EZR: variants seen among roughly 807,000 people sequenced by gnomAD.
The protein encoded by EZR is cytovillin 2.
Under a neutral mutation model 74.8 loss-of-function variants are expected in EZR, and 40 were observed. The ratio of observed to expected loss-of-function variants is 0.53; its 90% CI spans 0.42 to 0.70. The LOEUF is 0.70. Among genes scored for constraint, EZR ranks in the 30% least tolerant of loss-of-function variants. The pLI is 0.00. For synonymous variants in EZR, 341 were observed against 283.3 expected (o/e 1.20, Z -2.05); for missense variants, 678 against 755.8 (o/e 0.90, Z 1.21).
rs755290364 is a variant in EZR, at chr6:158,776,412, G to A, written c.791C>T (p.Ala264Val). The A allele has an allele frequency of 1.2e-6, 2 of 1,612,314 alleles. No individual in the cohort carries two copies. Among genetic ancestry groups the A allele is most frequent in the Non-Finnish European group, 8.5e-7 (1 of 1,178,394 alleles). The part of the protein sequence containing the change: ...KFVIKPIDKK[A>V]PDFVFYAPRL... ...ATAGAATCCTTTGGAACTTACAGGTGCCTTCTTGTCGATGGGTTTAATGAC... is the reference window on the plus strand; with the variant it reads ...ATAGAATCCTTTGGAACTTACAGGTACCTTCTTGTCGATGGGTTTAATGAC... The change falls in exon 8 of 14, where the codon GCA (alanine) becomes GTA (valine). Residue 264 changes from alanine to valine, a missense_variant. Coordinates refer to ENST00000367075, the MANE Select transcript of EZR (RefSeq NM_001111077.2).
chr6:158,787,236 G>C, intron 3 of EZR, 33 bp from the exon 4 acceptor site: 1 of 1,576,904 alleles, frequency 6.3e-7, no homozygotes, highest in East Asian at 2.2e-5. Context: ...CAACACTCAT[G>C]AGAAACTCAC....
At chr6:158,816,823 C>T (rs796809167) in intron 2 of EZR, among the ~76,000 whole-genome samples, 21 of 152,132 alleles carry the variant, frequency 1.4e-4, no homozygotes, top group South Asian at 8.3e-4. Flanking sequence ...TGGTGGCTCA[C>T]GCCTGTAATC....
intron 4 of EZR, among the ~76,000 whole-genome samples, chr6:158,786,544 G>A (rs1047087941): frequency 6.6e-6 from 1 of 152,116 alleles, no homozygotes; most frequent in African/African-American, 2.4e-5. Context: ...CATGCCAATC[G>A]GGCCCTGGAC....
chr6:158,770,460 T>C (rs1462380628), intron 10 of EZR, among the ~76,000 whole-genome samples: 1 of 152,172 alleles, frequency 6.6e-6, no homozygotes, highest in African/African-American at 2.4e-5. Context: ...TGGGGGACTG[T>C]GGGCAAATCA....
intron 12 of EZR, among the ~76,000 whole-genome samples, chr6:158,768,298 A>C (rs1031956123): frequency 1.3e-5 from 2 of 151,850 alleles, no homozygotes; most frequent in Non-Finnish European, 2.9e-5. Context: ...CACGATTGTA[A>C]ATTTCCTGAG....
At chr6:158,798,049 C>T (rs1490612621) in intron 2 of EZR, among the ~76,000 whole-genome samples, 2 of 152,206 alleles carry the variant, frequency 1.3e-5, no homozygotes, top group African/African-American at 2.4e-5. Flanking sequence ...ATGGCCTATT[C>T]TGGACATTTC....
chr6:158,815,911 T>C (rs1180003399), intron 2 of EZR, among the ~76,000 whole-genome samples: 3 of 152,254 alleles, frequency 2.0e-5, no homozygotes, highest in Non-Finnish European at 4.4e-5. Flanking sequence ...CTTTATCAAA[T>C]GTCAGAAACA....
chr6:158,767,239 G>T (rs1185393352), intron 13 of EZR, 22 bp downstream of exon 13: 1 of 1,601,506 alleles, frequency 6.2e-7, no homozygotes, highest in Non-Finnish European at 8.5e-7. Flanking sequence ...GCTCCCTGGA[G>T]ACAGAGCCCC....
intron 7 of EZR, among the ~76,000 whole-genome samples, chr6:158,782,404 T>G (rs1254320085): frequency 6.6e-6 from 1 of 152,162 alleles, no homozygotes. Flanking sequence ...GTGGGGATGC[T>G]GAGAACAAAA....
chr6:158,780,257 CAT>C (rs922665028), intron 7 of EZR, among the ~76,000 whole-genome samples: 7 of 151,434 alleles, frequency 4.6e-5, no homozygotes, highest in South Asian at 2.1e-4. Flanking sequence ...TAATGTTCTA[CAT>C]GTCTTAAGAT....
intron 2 of EZR, among the ~76,000 whole-genome samples, chr6:158,805,920 C>T (rs1384348527): frequency 6.6e-6 from 1 of 152,172 alleles, no homozygotes; most frequent in South Asian, 2.1e-4. Context: ...TGGCTAAAGC[C>T]CTACCCAGTA....
rs372794815 is a variant in EZR, at chr6:158,797,885, T to A, written c.13-8514A>T. 2.6e-5 allele frequency among the ~76,000 whole-genome samples: 4 copies of A among 152,380 alleles called. No homozygotes were observed. The South Asian group carries it at 8.3e-4, about 32-fold the overall frequency. On this transcript the variant is annotated intron_variant, in intron 2 of 13. Transcript: ENST00000367075. Reference sequence around the variant, plus strand: ...GGAAAATGTATAATTCAGTGGTTTTTAGTATATTCAGAGTTATGCAACTGA... The same window carrying A: ...GGAAAATGTATAATTCAGTGGTTTTAAGTATATTCAGAGTTATGCAACTGA...
rs140658331 is a variant in EZR, at chr6:158,776,418, T to C, written c.785A>G (p.Lys262Arg). ...TCCTTTGGAACTTACAGGTGCCTTC[T>C]TGTCGATGGGTTTAATGACAAACTT... ...DKKFVIKPID[K>R]KAPDFVFYAP... Residue 262 changes from lysine (K) to arginine (R), a missense_variant, in exon 8 of 14, where the codon AAG becomes AGG. By Grantham distance (26) the Lys-to-Arg change is conservative. Transcript: ENST00000367075. 5 of 1,613,742 alleles carry C rather than the reference T, an allele frequency of 3.1e-6. No homozygotes were observed. In the African/African-American group the frequency reaches 5.3e-5, roughly 17 times the overall value.
chr6:158,800,745 T>C (rs1184684413), intron 2 of EZR, among the ~76,000 whole-genome samples: 1 of 152,092 alleles, frequency 6.6e-6, no homozygotes, highest in Non-Finnish European at 1.5e-5. Context: ...GAGGCTGCAG[T>C]GTGCCGAGAT....
Position 158,785,398 on chromosome 6 carries a change from C to T in EZR, c.378G>A (p.Gly126=), listed in dbSNP as rs544896321. The part of the protein sequence containing the change: ...YCPPETAVLL[G]SYAVQAKFGD... ...CAAACTTGGCCTGCACAGCGTAGGA[C>T]CCCAAGAGCACGGCAGTCTCAGGGG... The change falls in exon 5 of 14, where the codon GGG becomes GGA. Residue 126 remains glycine, a synonymous_variant. Transcript: ENST00000367075. The T allele has an allele frequency of 1.2e-6, 2 of 1,614,056 alleles. No individual in the cohort carries two copies. The highest frequency in any genetic ancestry group is 1.7e-6 in the Non-Finnish European group (2 of 1,180,032).
intron 2 of EZR, among the ~76,000 whole-genome samples, chr6:158,816,104 C>T (rs1777547423): frequency 6.6e-6 from 1 of 152,154 alleles, no homozygotes; most frequent in East Asian, 1.9e-4. Flanking sequence ...ATTCCACCTG[C>T]ATGAGGTATC....
chr6:158,768,627 T>C (rs937776602), intron 12 of EZR, among the ~76,000 whole-genome samples: 4 of 152,216 alleles, frequency 2.6e-5, no homozygotes, highest in Non-Finnish European at 4.4e-5. Flanking sequence ...TCTCAGGGGC[T>C]GTGCCTTCCT....
intron 2 of EZR, among the ~76,000 whole-genome samples, chr6:158,793,251 A>G (rs188668595): frequency 6.6e-6 from 1 of 151,892 alleles, no homozygotes; most frequent in Non-Finnish European, 1.5e-5. Flanking sequence ...TTAAAAAAAT[A>G]AAAATGATGA....
chr6:158,766,798 C>T lies in EZR; in HGVS notation c.*116G>A, dbSNP rs2128563154. ...AATGTTTCTGTTGGGTAACTGCTTTCTAAAGGAACTGGGATCTGAGGGAGT... is the reference window on the plus strand; with the variant it reads ...AATGTTTCTGTTGGGTAACTGCTTTTTAAAGGAACTGGGATCTGAGGGAGT... On this transcript the variant is annotated 3_prime_UTR_variant, in exon 14 of 14. Transcript: ENST00000367075. 2.8e-6 allele frequency: 3 copies of T among 1,078,368 alleles called. No homozygotes were observed. Among genetic ancestry groups the T allele is most frequent in the Non-Finnish European group, 4.1e-6 (3 of 739,852 alleles). The allele number at this position is 1,078,368 out of a possible 1,614,324, so 66.8% of individuals were successfully genotyped here.
Sources: gnomAD v4.1 joint callset for allele counts (sites outside exome capture counted in the v4.1 genomes callset) on GRCh38, gnomAD v4.1.1 for gene constraint, MANE v1.5 for transcripts, NCBI Gene and HGNC (gene_info 2026-07-23, HGNC 2026-07-21) for gene names.